ADSS2: variants seen among roughly 807,000 people sequenced by gnomAD.
The protein encoded by ADSS2 is adenylosuccinate synthetase isozyme 2.
ADSS2 carries 30 observed loss-of-function variants against 60.0 expected under a neutral mutation model. The ratio of observed to expected loss-of-function variants is 0.50; its 90% CI spans 0.37 to 0.68. The LOEUF (loss-of-function observed/expected upper bound fraction) is 0.68. ADSS2 is among the 30% of genes least tolerant of loss of function. The pLI is 0.00. For missense variants in ADSS2, 373 were observed against 554.8 expected (o/e 0.67, Z 3.29); for synonymous variants, 187 against 193.1 (o/e 0.97, Z 0.26).
chr1:244,448,653 A>G (rs144045205), intron 1 of ADSS2, among the ~76,000 whole-genome samples: 1 of 152,352 alleles, frequency 6.6e-6, no homozygotes, highest in Admixed American at 6.5e-5. Context: ...TGTAGCTTCT[A>G]CTCAGCAAAA....
intron 3 of ADSS2, 43 bp downstream of exon 3, chr1:244,436,782 T>C (rs764950021): frequency 6.5e-6 from 10 of 1,528,486 alleles, no homozygotes; most frequent in Non-Finnish European, 7.2e-6. Context: ...AATAAAACTT[T>C]ACAAAGAACA....
intron 4 of ADSS2, among the ~76,000 whole-genome samples, chr1:244,431,952 A>G (rs1664956601): frequency 6.6e-6 from 1 of 152,198 alleles, no homozygotes; most frequent in South Asian, 2.1e-4. Flanking sequence ...ACTTAAATAC[A>G]ATTTAAGAGT....
At chr1:244,429,554 T>C (rs1214242103) in intron 4 of ADSS2, among the ~76,000 whole-genome samples, 1 of 152,200 alleles carries the variant, frequency 6.6e-6, no homozygotes, top group Admixed American at 6.5e-5. Context: ...TTTTTAATGA[T>C]ACTATTTATT....
intron 3 of ADSS2, among the ~76,000 whole-genome samples, chr1:244,434,062 CT>C (rs1459539283): frequency 6.6e-6 from 1 of 151,054 alleles, no homozygotes; most frequent in Non-Finnish European, 1.5e-5. Flanking sequence ...TTAAAAATTA[CT>C]TTTGGCTGAG....
chr1:244,444,344 TCTCTACTA>T lies in ADSS2; in HGVS notation c.184-6584_184-6577del, dbSNP rs1201464439. On this transcript the variant is annotated intron_variant, in intron 1 of 12. Transcript: ENST00000366535. Reference sequence around the variant, plus strand: ...TCCCGGCTAAAACGGTGAAACCCCGTCTCTACTAAAAATACAAAAAATTAGCCGGGCGT... The same window carrying T: ...TCCCGGCTAAAACGGTGAAACCCCGTAAAATACAAAAAATTAGCCGGGCGT... Among the ~76,000 whole-genome samples, 1,405 of 148,062 alleles carry T rather than the reference TCTCTACTA, an allele frequency of 9.5e-3. 33 individuals are homozygous for T. Among genetic ancestry groups the T allele is most frequent in the African/African-American group, 0.033 (1,336 of 40,216 alleles).
Position 244,436,824 on chromosome 1 carries a change from C to T in ADSS2, c.355+1G>A. 1 of 1,608,568 alleles carries T rather than the reference C, an allele frequency of 6.2e-7. No homozygotes were observed. Among genetic ancestry groups the T allele is most frequent in the Non-Finnish European group, 8.5e-7 (1 of 1,176,006 alleles). On this transcript the variant is annotated splice_donor_variant, in intron 3 of 12. Transcript: ENST00000366535. LOFTEE classifies it high-confidence loss of function. ...TACCAAGTAGACTCATTCTTTCATA[C>T]CTTTTCCTTTTTGAACATTTTTCTC...
chr1:244,431,178 T>C (rs6684936), intron 4 of ADSS2, among the ~76,000 whole-genome samples: 57,497 of 151,968 alleles, frequency 0.38, 11,367 homozygotes, highest in Admixed American at 0.43. Flanking sequence ...AATAGTGATA[T>C]ATAAGTTTAA....
intron 1 of ADSS2, among the ~76,000 whole-genome samples, chr1:244,448,497 G>A (rs377290082): frequency 2.2e-4 from 33 of 152,086 alleles, no homozygotes; most frequent in African/African-American, 7.5e-4. Context: ...GAATACACAC[G>A]GAACACTGCT....
chr1:244,422,276 A>T (rs1169724775), intron 7 of ADSS2, among the ~76,000 whole-genome samples: 1 of 152,216 alleles, frequency 6.6e-6, no homozygotes, highest in Non-Finnish European at 1.5e-5. Flanking sequence ...AAAAATCGTA[A>T]AAGGTGAAAG....
intron 1 of ADSS2, among the ~76,000 whole-genome samples, chr1:244,440,454 T>C (rs1333247499): frequency 1.3e-5 from 2 of 152,288 alleles, no homozygotes; most frequent in East Asian, 1.9e-4. Context: ...TTGGCAGTGT[T>C]GGGCTAAAAT....
chr1:244,442,987 C>T (rs1169637174), intron 1 of ADSS2, among the ~76,000 whole-genome samples: 1 of 152,118 alleles, frequency 6.6e-6, no homozygotes, highest in Admixed American at 6.5e-5. Context: ...CTCAGTCTCC[C>T]ACCTATGTAT....
At chr1:244,446,139 A>G (rs1665378835) in intron 1 of ADSS2, among the ~76,000 whole-genome samples, 1 of 152,192 alleles carries the variant, frequency 6.6e-6, no homozygotes, top group South Asian at 2.1e-4. Flanking sequence ...AAGAGCCTAA[A>G]AATCTTTGGA....
At position 244,449,719 on chromosome 1, in the gene ADSS2, G is replaced by A. The variant is rs1351300561; in HGVS notation, c.183+1916C>T. ...TAAAAGAACATAAGGATTCTATAAGGAAGGTAGTTAAGTCAAAAATACACA... is the reference window on the plus strand; with the variant it reads ...TAAAAGAACATAAGGATTCTATAAGAAAGGTAGTTAAGTCAAAAATACACA... On this transcript the variant is annotated intron_variant, in intron 1 of 12. Coordinates refer to ENST00000366535, the MANE Select transcript of ADSS2 (RefSeq NM_001126.5). Among the ~76,000 whole-genome samples the A allele has an allele frequency of 2.0e-5, 3 of 152,176 alleles. No individual in the cohort carries two copies. The East Asian group carries it at 5.8e-4, about 29-fold the overall frequency.
intron 7 of ADSS2, among the ~76,000 whole-genome samples, chr1:244,422,387 T>G (rs1664698510): frequency 6.6e-6 from 1 of 152,242 alleles, no homozygotes; most frequent in South Asian, 2.1e-4. Flanking sequence ...ACCTTATTTG[T>G]CTCTTAAGAG....
chr1:244,451,805 C>T lies in ADSS2; in HGVS notation c.13G>A (p.Glu5Lys), dbSNP rs1161934794. 6.3e-7 allele frequency: 1 copy of T among 1,589,886 alleles called. No homozygotes were observed. The highest frequency in any genetic ancestry group is 1.1e-5 in the South Asian group (1 of 87,978). The change falls in exon 1 of 13, where the codon GAG becomes AAG. Residue 5 changes from glutamate to lysine, a missense_variant. Physicochemically the swap from Glu to Lys is moderately conservative, Grantham distance 56 (BLOSUM62 1). This residue lies in a region of ADSS2 where 47 missense variants were observed against 48.3 expected (regional missense o/e 0.97). Transcript: ENST00000366535. The surrounding 1 kb of genome is among the most constrained non-coding windows in gnomAD (Gnocchi z 6.6). ...AGGGAGGATGCCGCCGGGTAGGTCT[C>T]GGCGAACGCCATGGCTCCAGTGACG... Reference protein sequence around the residue: MAFAETYPAASSLPN... With the variant: MAFAKTYPAASSLPN...
At position 244,420,258 on chromosome 1, in the gene ADSS2, T is replaced by A. The variant is rs775133709; in HGVS notation, c.702A>T (p.Gly234=). 44 of 1,613,484 alleles carry A rather than the reference T, an allele frequency of 2.7e-5. No homozygotes were observed. Among genetic ancestry groups the A allele is most frequent in the Non-Finnish European group, 3.5e-5 (41 of 1,179,756 alleles). The change falls in exon 8 of 13, where the codon GGA becomes GGT. Residue 234 remains glycine (G), a synonymous_variant. Transcript: ENST00000366535. ...MEKIKPMVRD[G]VYFLYEALHG... ...GTAGGGCCTCATATAGAAAATAAAC[T>A]CCATCTCTCACCATTGGTTTAATCT...
At chr1:244,451,962 C>T, upstream of ADSS2, 1 of 787,786 alleles carries the variant, frequency 1.3e-6, no homozygotes, top group African/African-American at 1.8e-5. This position sits in a 1 kb window ranked among gnomAD's most constrained non-coding sequence, Gnocchi z 6.6. Flanking sequence ...CCGCCACCCT[C>T]CAGCCAGTCC....
chr1:244,451,835 G>T lies in ADSS2; in HGVS notation c.-18C>A. On this transcript the variant is annotated 5_prime_UTR_variant, in exon 1 of 13. Transcript: ENST00000366535. This position sits in a 1 kb window ranked among gnomAD's most constrained non-coding sequence, Gnocchi z 6.6. ...AACGCCATGGCTCCAGTGACGCGAG[G>T]AGAGCCCGAAGGAGAGGCGGCCGGC... 1 of 1,564,680 alleles carries T rather than the reference G, an allele frequency of 6.4e-7. No homozygotes were observed.
At chr1:244,437,604 A>G in intron 2 of ADSS2, 62 bp downstream of exon 2, 1 of 1,200,408 alleles carries the variant, frequency 8.3e-7, no homozygotes, top group Non-Finnish European at 1.2e-6. Flanking sequence ...TGACAATAAA[A>G]AATAAACGCC....
Sources: allele counts gnomAD v4.1 joint callset (sites outside exome capture counted in the v4.1 genomes callset), GRCh38; gene constraint gnomAD v4.1.1; regional missense constraint gnomAD v4.1.1; non-coding constraint Gnocchi (gnomAD v3.1); transcripts MANE v1.5; gene names NCBI Gene and HGNC (gene_info 2026-07-23, HGNC 2026-07-21).